The following TSHZ2 variants were observed in gnomAD, a reference collection of about 807,000 sequenced individuals.
TSHZ2 encodes the protein teashirt zinc finger homeobox 2.
TSHZ2 carries 21 observed loss-of-function variants against 74.4 expected under a neutral mutation model. The ratio of observed to expected loss-of-function variants is 0.28; its 90% confidence interval spans 0.20 to 0.41. The LOEUF (loss-of-function observed/expected upper bound fraction) is 0.41, where lower values mean the gene tolerates loss of function less well. Ranked by LOEUF, TSHZ2 falls within the 10% of genes least tolerant of loss-of-function variation. The probability of loss-of-function intolerance (pLI) is 1.00; values close to 1 mark genes in which losing one functional copy is unlikely to be tolerated. For synonymous variants in TSHZ2, 540 were observed against 515.3 expected (o/e 1.05, Z -0.65); for missense variants, 1,244 against 1,293.5 (o/e 0.96, Z 0.59).
intron 2 of TSHZ2, among the ~76,000 whole-genome samples, chr20:53,266,841 G>A (rs1330539782): frequency 1.0e-3 from 149 of 143,288 alleles, no homozygotes; most frequent in South Asian, 4.5e-4. Context: ...GCAGTGGCAC[G>A]ATCTCGGCTC....
At chr20:53,454,399 TA>T (rs1414725159) in intron 2 of TSHZ2, among the ~76,000 whole-genome samples, 1 of 151,832 alleles carries the variant, frequency 6.6e-6, no homozygotes, top group Non-Finnish European at 1.5e-5. Flanking sequence ...CCATCTTTAC[TA>T]AAAATACAAA....
chr20:53,469,555 GGGAAGGAAGGAAGGAAGGAAGGAA>G (rs142116366), intron 2 of TSHZ2, among the ~76,000 whole-genome samples: 11 of 78,360 alleles, frequency 1.4e-4, no homozygotes, highest in East Asian at 1.2e-3. Flanking sequence ...GAAAGAAGGA[GGGAAGGAAGGAAGGAAGGAAGGAA>G]GGAAGGAAGG....
intron 1 of TSHZ2, among the ~76,000 whole-genome samples, chr20:53,213,722 G>A (rs1255891190): frequency 7.0e-6 from 1 of 142,766 alleles, no homozygotes; most frequent in Non-Finnish European, 1.5e-5. Flanking sequence ...GCAATTTCAT[G>A]CCAATGAACA....
At chr20:53,199,870 A>G (rs1477946380) in intron 1 of TSHZ2, among the ~76,000 whole-genome samples, 1 of 152,170 alleles carries the variant, frequency 6.6e-6, no homozygotes, top group Non-Finnish European at 1.5e-5. Context: ...TCAAGTGGGG[A>G]TGTGCAGTGG....
At chr20:53,072,097 T>C (rs1211028528) in intron 1 of TSHZ2, among the ~76,000 whole-genome samples, 2 of 152,194 alleles carry the variant, frequency 1.3e-5, no homozygotes, top group Non-Finnish European at 2.9e-5. Flanking sequence ...GCGCGGAGGC[T>C]GGGGAACCCC....
At chr20:53,078,443 T>C (rs1385982474) in intron 1 of TSHZ2, among the ~76,000 whole-genome samples, 2 of 152,210 alleles carry the variant, frequency 1.3e-5, no homozygotes, top group African/African-American at 4.8e-5. Context: ...AAAAAAGACA[T>C]GAAATGGTAC....
chr20:53,041,439 C>T (rs1023232862), intron 1 of TSHZ2, among the ~76,000 whole-genome samples: 1 of 152,174 alleles, frequency 6.6e-6, no homozygotes, highest in Non-Finnish European at 1.5e-5. Context: ...TGTTGCTTTG[C>T]CCAGGGAATG....
At chr20:53,412,198 G>A (rs908324838) in intron 2 of TSHZ2, among the ~76,000 whole-genome samples, 1 of 152,160 alleles carries the variant, frequency 6.6e-6, no homozygotes, top group Admixed American at 6.5e-5. Flanking sequence ...CTCTGGGCTG[G>A]AGGCACCCAG....
intron 1 of TSHZ2, among the ~76,000 whole-genome samples, chr20:53,152,642 A>G (rs550025036): frequency 6.6e-6 from 1 of 152,346 alleles, no homozygotes; most frequent in East Asian, 1.9e-4. Flanking sequence ...CAACCAAGAC[A>G]GGTCAGGTAT....
chr20:53,432,739 A>G (rs978955008), intron 2 of TSHZ2, among the ~76,000 whole-genome samples: 1 of 152,156 alleles, frequency 6.6e-6, no homozygotes, highest in African/African-American at 2.4e-5. Flanking sequence ...CCACAATGAG[A>G]ATTTTGTTTT....
intron 2 of TSHZ2, among the ~76,000 whole-genome samples, chr20:53,420,586 C>A (rs1020739622): frequency 6.6e-6 from 1 of 152,048 alleles, no homozygotes; most frequent in African/African-American, 2.4e-5. Context: ...ATTAGCCGGG[C>A]TTAGTGGCGG....
intron 2 of TSHZ2, among the ~76,000 whole-genome samples, chr20:53,318,962 A>C (rs1979137015): frequency 6.6e-6 from 1 of 152,214 alleles, no homozygotes; most frequent in Admixed American, 6.5e-5. Flanking sequence ...AGCAGGCAAG[A>C]GAGAGTGTGC....
chr20:53,154,643 G>A (rs1987750798), intron 1 of TSHZ2, among the ~76,000 whole-genome samples: 1 of 152,154 alleles, frequency 6.6e-6, no homozygotes, highest in South Asian at 2.1e-4. Flanking sequence ...TTTGAAATCT[G>A]AATGCACTGA....
intron 1 of TSHZ2, chr20:53,198,276 G>A (rs1459773604): frequency 6.6e-6 from 1 of 152,222 alleles, no homozygotes; most frequent in Non-Finnish European, 1.5e-5. Flanking sequence ...CGGGATTTTT[G>A]TGTGTGAAGT....
intron 1 of TSHZ2, among the ~76,000 whole-genome samples, chr20:53,160,846 C>T (rs1413449636): frequency 6.6e-6 from 1 of 151,632 alleles, no homozygotes; most frequent in African/African-American, 2.4e-5. Flanking sequence ...ACCATAGGCC[C>T]ATCTTCTTTG....
intron 2 of TSHZ2, among the ~76,000 whole-genome samples, chr20:53,323,563 C>CTTTTTTATTT (rs1979363646): frequency 2.7e-5 from 1 of 36,662 alleles, no homozygotes; most frequent in Non-Finnish European, 4.6e-5. Flanking sequence ...CCTTGGAGGG[C>CTTTTTTATTT]TTTTTTTTTT....
chr20:53,217,312 G>C (rs1409409810), intron 1 of TSHZ2, among the ~76,000 whole-genome samples: 1 of 152,164 alleles, frequency 6.6e-6, no homozygotes, highest in Non-Finnish European at 1.5e-5. Flanking sequence ...TCAGGGAGCA[G>C]AAGGGGCCTG....
At chr20:53,282,711 C>G (rs1468565235) in intron 2 of TSHZ2, among the ~76,000 whole-genome samples, 1 of 152,170 alleles carries the variant, frequency 6.6e-6, no homozygotes, top group Non-Finnish European at 1.5e-5. Flanking sequence ...TCTAGTGGCA[C>G]CTTTCAGACT....
intron 2 of TSHZ2, among the ~76,000 whole-genome samples, chr20:53,411,033 T>C (rs6022447): frequency 0.25 from 37,327 of 152,120 alleles, 7,386 homozygotes; most frequent in African/African-American, 0.53. Context: ...CCCTGGATCC[T>C]GCTCCTTCAA....
Sources: allele counts gnomAD v4.1 joint callset (sites outside exome capture counted in the v4.1 genomes callset), GRCh38; gene constraint gnomAD v4.1.1; transcripts MANE v1.5; gene names NCBI Gene and HGNC (gene_info 2026-07-23, HGNC 2026-07-21).